The following SWAP70 variants were observed in gnomAD, a reference collection of about 807,000 sequenced individuals.
SWAP70 encodes switching B cell complex subunit SWAP70, also known as switch-associated protein 70.
Under a neutral mutation model 80.2 loss-of-function variants are expected in SWAP70, and 34 were observed. The observed-to-expected ratio is 0.42, with a 90% CI of 0.32 to 0.56. The LOEUF (loss-of-function observed/expected upper bound fraction) is 0.56. SWAP70 is among the 20% of genes least tolerant of loss of function. The pLI is 0.09. For synonymous variants in SWAP70, 239 were observed against 238.5 expected, an observed-to-expected ratio of 1.00 and a Z score of -0.02; for missense variants, 578 against 690.7, an observed-to-expected ratio of 0.84 and a Z score of 1.83.
intron 4 of SWAP70, chr11:9,727,046 A>G: frequency 2.2e-6 from 1 of 445,262 alleles, no homozygotes; most frequent in Non-Finnish European, 4.5e-6. Flanking sequence ...TTGAGGTTTT[A>G]CTTACCTCAG....
intron 2 of SWAP70, among the ~76,000 whole-genome samples, chr11:9,706,661 T>C (rs1002495395): frequency 1.3e-5 from 2 of 152,176 alleles, no homozygotes; most frequent in Non-Finnish European, 2.9e-5. Context: ...ATGTATATCT[T>C]AATGTATGAT....
At chr11:9,668,080 G>A (rs1215371519) in intron 1 of SWAP70, among the ~76,000 whole-genome samples, 1 of 152,054 alleles carries the variant, frequency 6.6e-6, no homozygotes. Flanking sequence ...GTAGAGATGG[G>A]GTTTCACCAT....
rs1343672274 is a variant in SWAP70 at position 9,675,384 on chromosome 11, A to G, written c.99+11106A>G. ...GAGAGAGAGAGAGAGAGAGAGAGAG[A>G]GAGAGAGAGAGAGAGAGAGAGAGAG... On this transcript the variant is annotated intron_variant, in intron 1 of 11. Coordinates refer to ENST00000318950, the MANE Select transcript of SWAP70 (RefSeq NM_015055.4). Among the ~76,000 whole-genome samples, 125 of 117,098 alleles carry G rather than the reference A, an allele frequency of 1.1e-3. 6 individuals are homozygous for G. Among genetic ancestry groups the G allele is most frequent in the Middle Eastern group, 4.3e-3 (1 of 232 alleles). The allele number at this position is 117,098 out of a possible 152,430, so 76.8% of individuals were successfully genotyped here.
chr11:9,665,160 A>G (rs1303348846), intron 1 of SWAP70, among the ~76,000 whole-genome samples: 1 of 152,200 alleles, frequency 6.6e-6, no homozygotes, highest in Non-Finnish European at 1.5e-5. Context: ...TTAAAAATAT[A>G]CATATTTTAG....
chr11:9,664,088 C>A lies in SWAP70; in HGVS notation c.-92C>A, dbSNP rs958230317. 8.0e-7 allele frequency: 1 copy of A among 1,255,784 alleles called. No individual in the cohort carries two copies. Among genetic ancestry groups the A allele is most frequent in the South Asian group, 1.6e-5 (1 of 61,922 alleles). The allele number at this position is 1,255,784 out of a possible 1,614,324, so 77.8% of individuals were successfully genotyped here. On this transcript the variant is annotated 5_prime_UTR_variant, in exon 1 of 12. Coordinates refer to ENST00000318950, the MANE Select transcript of SWAP70 (RefSeq NM_015055.4). ...GGGCCTGGCGGGTCAGGTGACTGCG[C>A]GGCGGGCTGTGGCTGCGGAGGTTGA...
chr11:9,747,201 A>G (rs964443493), intron 9 of SWAP70, among the ~76,000 whole-genome samples: 2 of 152,248 alleles, frequency 1.3e-5, no homozygotes, highest in Non-Finnish European at 2.9e-5. Flanking sequence ...CCTGTGCAAC[A>G]TACTTTTAAA....
intron 2 of SWAP70, among the ~76,000 whole-genome samples, chr11:9,697,949 TAA>T (rs1383462629): frequency 6.6e-6 from 1 of 152,050 alleles, no homozygotes; most frequent in East Asian, 1.9e-4. Context: ...CACACCTGGC[TAA>T]GTTTTAACAT....
intron 2 of SWAP70, among the ~76,000 whole-genome samples, chr11:9,697,190 C>G (rs779841356): frequency 5.1e-4 from 77 of 150,262 alleles, no homozygotes; most frequent in Admixed American, 9.3e-4. Context: ...AGTTTAATGT[C>G]TTTTTACAAT....
At chr11:9,746,141 G>A (rs61059316) in intron 9 of SWAP70, among the ~76,000 whole-genome samples, 15,108 of 152,214 alleles carry the variant, frequency 0.099, 1,910 homozygotes, top group East Asian at 0.28. Context: ...CAGAGTCAAA[G>A]TTCCAGAAGG....
chr11:9,736,959 A>G (rs146645883), intron 7 of SWAP70, among the ~76,000 whole-genome samples: 25 of 152,274 alleles, frequency 1.6e-4, no homozygotes, highest in Middle Eastern at 6.8e-3. Context: ...ACACCTGTTA[A>G]TCACTTTGGG....
At chr11:9,678,543 C>CTTTTTT (rs72123125) in intron 1 of SWAP70, among the ~76,000 whole-genome samples, 1 of 77,202 alleles carries the variant, frequency 1.3e-5, no homozygotes. Flanking sequence ...CTCTGAGGTG[C>CTTTTTT]TTTTTTTTTT....
intron 1 of SWAP70, among the ~76,000 whole-genome samples, chr11:9,678,452 T>C (rs1205459417): frequency 2.0e-5 from 3 of 151,564 alleles, no homozygotes; most frequent in Admixed American, 6.6e-5. Flanking sequence ...TAGAAACTTT[T>C]CAGTGAGATA....
intron 7 of SWAP70, among the ~76,000 whole-genome samples, chr11:9,736,527 T>C (rs187876634): frequency 2.4e-4 from 37 of 152,222 alleles, no homozygotes; most frequent in Non-Finnish European, 3.8e-4. Context: ...TGTTTGCTCC[T>C]TTATTTGTTT....
intron 3 of SWAP70, among the ~76,000 whole-genome samples, chr11:9,715,983 A>G (rs978159639): frequency 6.6e-6 from 1 of 152,202 alleles, no homozygotes; most frequent in Non-Finnish European, 1.5e-5. Flanking sequence ...GGAGTCTTGG[A>G]AAGGATACAT....
chr11:9,692,063 C>G (rs1337952212), intron 1 of SWAP70, among the ~76,000 whole-genome samples: 1 of 152,028 alleles, frequency 6.6e-6, no homozygotes, highest in African/African-American at 2.4e-5. Flanking sequence ...ATTTATTGCC[C>G]TTACAGCTCA....
At chr11:9,740,388 C>G in intron 9 of SWAP70, 41 bp downstream of exon 9, 1 of 1,601,030 alleles carries the variant, frequency 6.2e-7, no homozygotes, top group Non-Finnish European at 8.6e-7. Flanking sequence ...ATGTACTTTG[C>G]CTGGGCTAAT....
intron 9 of SWAP70, chr11:9,741,920 A>G (rs1437602778): frequency 1.6e-5 from 2 of 125,728 alleles, no homozygotes; most frequent in African/African-American, 5.8e-5. Flanking sequence ...CCTGAGCAAC[A>G]TGGTGAAACC....
chr11:9,696,818 T>A (rs1850764005), intron 2 of SWAP70, among the ~76,000 whole-genome samples: 1 of 152,218 alleles, frequency 6.6e-6, no homozygotes, highest in Admixed American at 6.5e-5. Context: ...TTTAAATTCT[T>A]ACTATTTTTA....
At chr11:9,680,817 T>C (rs762073926) in intron 1 of SWAP70, 6 of 152,204 alleles carry the variant, frequency 3.9e-5, no homozygotes, top group Non-Finnish European at 8.8e-5. Context: ...AAATTTCATA[T>C]GTGGTTTGTG....
Sources: gnomAD v4.1 joint callset for allele counts (sites outside exome capture counted in the v4.1 genomes callset) on GRCh38, gnomAD v4.1.1 for gene constraint, MANE v1.5 for transcripts, NCBI Gene and HGNC (gene_info 2026-07-23, HGNC 2026-07-21) for gene names.